Variants in DCST2 observed in about 807,000 individuals in gnomAD.
DCST2 encodes DC-STAMP domain-containing protein 2.
Under a neutral mutation model 81.8 loss-of-function variants are expected in DCST2, and 64 were observed. The observed-to-expected ratio is 0.78, with a 90% confidence interval of 0.64 to 0.96. DCST2 has a LOEUF of 0.96. DCST2 is among the 40% of genes least tolerant of loss of function. DCST2 has a pLI of 0.00. For synonymous variants in DCST2, 354 were observed against 402.6 expected, an observed-to-expected ratio of 0.88 and a Z score of 1.44; for missense variants, 945 against 1,001.4, an observed-to-expected ratio of 0.94 and a Z score of 0.76.
chr1:155,022,485 C>T (rs1659782823), intron 14 of DCST2, among the ~76,000 whole-genome samples: 1 of 152,190 alleles, frequency 6.6e-6, no homozygotes, highest in Non-Finnish European at 1.5e-5. Flanking sequence ...AATCCCAGCA[C>T]TTTGGAAGGC....
intron 14 of DCST2, among the ~76,000 whole-genome samples, chr1:155,022,446 G>C (rs1394307590): frequency 6.6e-6 from 1 of 152,118 alleles, no homozygotes; most frequent in Non-Finnish European, 1.5e-5. Context: ...CCCGTGGCCA[G>C]GCACCATGGC....
intron 8 of DCST2, 194 bp from the exon 9 acceptor site, chr1:155,026,909 C>T: frequency 1.6e-6 from 1 of 634,632 alleles, no homozygotes; most frequent in South Asian, 2.0e-5. Flanking sequence ...AGGACTGGCC[C>T]CATGGTCCAA....
Position 155,033,664 on chromosome 1 carries a change from C to G in DCST2, c.38G>C (p.Gly13Ala), listed in dbSNP as rs745672147. The change falls in exon 1 of 15, where the codon GGG (glycine) becomes GCG (alanine). Residue 13 changes from glycine to alanine, a missense_variant. Gly to Ala is a moderately conservative substitution (Grantham distance 60, BLOSUM62 0). Coordinates refer to ENST00000368424, the MANE Select transcript of DCST2 (RefSeq NM_144622.3). ...TCTCGCCATGCTAGGCTCCTCTCCC[C>G]CCAAGGGGTGCACAACATCCTTCAT... The part of the protein sequence containing the change: ...KVMKDVVHPL[G>A]GEEPSMARAV... 8 of 1,614,068 alleles carry G rather than the reference C, an allele frequency of 5.0e-6. No individual in the cohort carries two copies. The highest frequency in any genetic ancestry group is 3.3e-5 in the Admixed American group (2 of 59,998).
Position 155,026,266 on chromosome 1 carries a change from G to C in DCST2, c.1611+36C>G, listed in dbSNP as rs1015014075. Reference sequence around the variant, plus strand: ...GCCACTAGCTAAGCCCCCTGGGGAGGGGGCAGGGACTAGCTCCCAGCCCCG... The same window carrying C: ...GCCACTAGCTAAGCCCCCTGGGGAGCGGGCAGGGACTAGCTCCCAGCCCCG... On this transcript the variant is annotated intron_variant, in intron 10 of 14. Transcript: ENST00000368424. The C allele has an allele frequency of 5.6e-6, 9 of 1,607,188 alleles. No individual in the cohort carries two copies. In the African/African-American group the frequency reaches 8.0e-5, roughly 14 times the overall value.
At chr1:155,021,329 GT>G (rs1359964503) in intron 14 of DCST2, among the ~76,000 whole-genome samples, 2 of 152,036 alleles carry the variant, frequency 1.3e-5, no homozygotes, top group Non-Finnish European at 2.9e-5. Context: ...TAGAGATGGA[GT>G]TTTGCCATGT....
chr1:155,023,713 G>T, intron 12 of DCST2, 119 bp downstream of exon 12: 1 of 1,578,406 alleles, frequency 6.3e-7, no homozygotes, highest in South Asian at 1.2e-5. Flanking sequence ...TAGTAATGAA[G>T]GGAGGGGCAC....
chr1:155,026,770 C>CGAGAT, intron 8 of DCST2, 55 bp from the exon 9 acceptor site: 1 of 1,600,574 alleles, frequency 6.2e-7, no homozygotes, highest in South Asian at 1.1e-5. Flanking sequence ...TGCAGAAAAC[C>CGAGAT]CCACACCTTC....
intron 8 of DCST2, 130 bp downstream of exon 8, chr1:155,029,103 G>GCACTCA (rs1659994452): frequency 1.8e-6 from 2 of 1,094,758 alleles, no homozygotes; most frequent in Non-Finnish European, 2.6e-6. Context: ...CAGTGACATG[G>GCACTCA]GGACATTCAG....
chr1:155,032,953 A>G (rs1176664006), intron 2 of DCST2, 141 bp downstream of exon 2: 8 of 1,055,326 alleles, frequency 7.6e-6, no homozygotes, highest in African/African-American at 1.6e-5. Flanking sequence ...GAGAGGGTTT[A>G]GCTGTGCCCA....
Position 155,018,557 on chromosome 1 carries a change from G to A in DCST2, c.2309C>T (p.Pro770Leu). 1 of 1,613,142 alleles carries A rather than the reference G, an allele frequency of 6.2e-7. No homozygotes were observed. The highest frequency in any genetic ancestry group is 8.5e-7 in the Non-Finnish European group (1 of 1,179,456). The stretch of plus-strand genomic sequence containing the variant: ...TCCACTTTTGGTTTATTTGGGGGGT[G>A]GGTGGGAAGGATCAGGAAGAGAGGG... Reference protein sequence around the residue: ...SPPSLPDPSHPPPK With the variant: ...SPPSLPDPSHLPPK The change falls in exon 15 of 15, where the codon CCA (proline) becomes CTA (leucine). Residue 770 changes from proline (P) to leucine (L), a missense_variant. By Grantham distance (98) the Pro-to-Leu change is moderately conservative (BLOSUM62 -3). Coordinates refer to ENST00000368424, the MANE Select transcript of DCST2 (RefSeq NM_144622.3).
chr1:155,029,034 G>C (rs1264371068), intron 8 of DCST2, among the ~76,000 whole-genome samples, 199 bp downstream of exon 8: 2 of 152,180 alleles, frequency 1.3e-5, no homozygotes, highest in African/African-American at 4.8e-5. Flanking sequence ...CCTAGACATA[G>C]GTGTTACTAG....
chr1:155,021,976 C>T (rs1331081033), intron 14 of DCST2, among the ~76,000 whole-genome samples: 1 of 151,702 alleles, frequency 6.6e-6, no homozygotes, highest in Non-Finnish European at 1.5e-5. Context: ...AAGCAATTCT[C>T]CTGCCTCAGC....
At chr1:155,019,236 C>T (rs1231159064) in intron 14 of DCST2, among the ~76,000 whole-genome samples, 3 of 152,160 alleles carry the variant, frequency 2.0e-5, no homozygotes, top group African/African-American at 4.8e-5. Context: ...CCAGCTGGCC[C>T]GTAGTGTTTT....
intron 14 of DCST2, among the ~76,000 whole-genome samples, chr1:155,020,933 C>A (rs1256756965): frequency 6.6e-6 from 1 of 151,872 alleles, no homozygotes; most frequent in African/African-American, 2.4e-5. Context: ...AGTGATCCCT[C>A]CCACCTTAGC....
Position 155,033,272 on chromosome 1 carries a change from C to A in DCST2, c.269-8G>T. ...GTAGTGTCCGGCCCTGCCCTGGGGG[C>A]GACAGCTTTGTTAGAACCAAGACCC... On this transcript the variant is annotated splice_polypyrimidine_tract_variant and splice_region_variant and intron_variant, in intron 1 of 14. Transcript: ENST00000368424. The A allele has an allele frequency of 6.2e-7, 1 of 1,604,634 alleles. No homozygotes were observed. Among genetic ancestry groups the A allele is most frequent in the Non-Finnish European group, 8.5e-7 (1 of 1,176,290 alleles).
intron 2 of DCST2, 53 bp from the exon 3 acceptor site, chr1:155,032,821 T>C: frequency 6.6e-7 from 1 of 1,508,366 alleles, no homozygotes; most frequent in Non-Finnish European, 9.2e-7. Context: ...AGGGGCTGGT[T>C]CTCACCATTG....
At chr1:155,029,466 A>T in intron 7 of DCST2, 69 bp from the exon 8 acceptor site, 1 of 1,508,626 alleles carries the variant, frequency 6.6e-7, no homozygotes, top group African/African-American at 1.4e-5. Context: ...CAGTTCTTGG[A>T]GAGGCCTCCT....
At chr1:155,025,039 C>A (rs1229426867) in intron 10 of DCST2, among the ~76,000 whole-genome samples, 1 of 150,078 alleles carries the variant, frequency 6.7e-6, no homozygotes, top group Non-Finnish European at 1.5e-5. Flanking sequence ...CCCAGCTACT[C>A]GGGAGGCTGA....
rs1001250372 is a variant in DCST2 at position 155,029,352 on chromosome 1, T to G, written c.1223A>C (p.Glu408Ala). ...GAGGTGTCGGATAAGGTTGAAGGTC[T>G]CCAGAATGTAAAAAAACTTCTCCCA... ...SQWEKFFYIL[E>A]TFNLIRHLLL... The change falls in exon 8 of 15, where the codon GAG becomes GCG. Residue 408 changes from glutamate to alanine, a missense_variant. Physicochemically the swap from Glu to Ala is moderately radical, Grantham distance 107 (BLOSUM62 -1). Coordinates refer to ENST00000368424, the MANE Select transcript of DCST2 (RefSeq NM_144622.3). The G allele has an allele frequency of 1.9e-6, 3 of 1,613,882 alleles. No individual in the cohort carries two copies. Among genetic ancestry groups the G allele is most frequent in the Non-Finnish European group, 2.5e-6 (3 of 1,179,996 alleles).
Sources: gnomAD v4.1 joint callset for allele counts (sites outside exome capture counted in the v4.1 genomes callset) on GRCh38, gnomAD v4.1.1 for gene constraint, MANE v1.5 for transcripts, NCBI Gene and HGNC (gene_info 2026-07-23, HGNC 2026-07-21) for gene names.